The following CDK19 variants were observed in gnomAD, a reference collection of about 807,000 sequenced individuals.
CDK19 encodes the protein cyclin-dependent kinase 19.
A neutral mutation model predicts 68.3 loss-of-function variants in CDK19; 20 were observed. The ratio of observed to expected loss-of-function variants is 0.29; its 90% CI spans 0.21 to 0.43. CDK19 has a LOEUF of 0.43. Ranked by LOEUF, CDK19 falls within the 20% of genes least tolerant of loss-of-function variation. The probability of loss-of-function intolerance (pLI) is 1.00; values close to 1 mark genes in which losing one functional copy is unlikely to be tolerated. For missense variants in CDK19, 339 were observed against 623.5 expected (o/e 0.54, Z 4.86); for synonymous variants, 221 against 222.8 (o/e 0.99, Z 0.07).
At chr6:110,793,337 A>G (rs1337694084) in intron 1 of CDK19, among the ~76,000 whole-genome samples, 3 of 152,210 alleles carry the variant, frequency 2.0e-5, no homozygotes, top group African/African-American at 7.2e-5. Flanking sequence ...ACTATTATAA[A>G]TACCAAATTT....
intron 2 of CDK19, among the ~76,000 whole-genome samples, chr6:110,734,519 TG>T (rs1777046337): frequency 1.0e-4 from 2 of 19,294 alleles, no homozygotes; most frequent in Admixed American, 7.8e-4. Flanking sequence ...GGGTGAGCAC[TG>T]CTCTCTCTCT....
intron 5 of CDK19, 87 bp downstream of exon 5, chr6:110,638,562 C>CTACCTAAATAAGG: frequency 2.8e-6 from 2 of 713,166 alleles, no homozygotes; most frequent in Admixed American, 2.5e-5. Flanking sequence ...TTAAAATTAA[C>CTACCTAAATAAGG]TACCTAAATA....
intron 8 of CDK19, 63 bp from the exon 9 acceptor site, chr6:110,623,425 A>G: frequency 6.3e-7 from 1 of 1,579,386 alleles, no homozygotes; most frequent in Non-Finnish European, 8.6e-7. Flanking sequence ...TTTCTTAATG[A>G]TAAGCTCCAG....
chr6:110,743,236 T>G (rs892330358), intron 2 of CDK19, among the ~76,000 whole-genome samples: 6 of 152,202 alleles, frequency 3.9e-5, no homozygotes, highest in African/African-American at 1.4e-4. Flanking sequence ...GGTAAACTTG[T>G]GTGAAAATCC....
At position 110,614,620 on chromosome 6, in the gene CDK19, G is replaced by A; in HGVS notation, c.1424C>T (p.Ser475Phe). The change falls in exon 13 of 13, where the codon TCT becomes TTT. Residue 475 changes from serine to phenylalanine, a missense_variant. Around this residue, in one of 4 missense-constraint regions of CDK19, gnomAD observed 155 missense variants for 222.7 expected, o/e 0.70. Coordinates refer to ENST00000368911, the MANE Select transcript of CDK19 (RefSeq NM_015076.5). ...GTAGCCAAGTGTGCTCTGGGACTGA[G>A]AGGATCCCTGAACGCTGCTTTGGTA... ...LNYQSSVQGSSQSQSTLGYSS... is the reference protein window; with the variant it reads ...LNYQSSVQGSFQSQSTLGYSS... 6.2e-7 allele frequency: 1 copy of A among 1,613,954 alleles called. No individual in the cohort carries two copies. The highest frequency in any genetic ancestry group is 8.5e-7 in the Non-Finnish European group (1 of 1,179,848).
intron 2 of CDK19, among the ~76,000 whole-genome samples, chr6:110,710,422 AC>A (rs1774854403): frequency 1.3e-5 from 2 of 152,224 alleles, no homozygotes; most frequent in Non-Finnish European, 2.9e-5. Flanking sequence ...CTATGAAAGA[AC>A]CTGGGATCAT....
At position 110,767,221 on chromosome 6, in the gene CDK19, G is replaced by C. The variant is rs192203527; in HGVS notation, c.129-21020C>G. On this transcript the variant is annotated intron_variant, in intron 1 of 12. Coordinates refer to ENST00000368911, the MANE Select transcript of CDK19 (RefSeq NM_015076.5). Reference sequence around the variant, plus strand: ...AACAGTGGTTACCAGAGGTTGGGAAGGGCCAGGGGATGGGGAGAAAAGGAG... The same window carrying C: ...AACAGTGGTTACCAGAGGTTGGGAACGGCCAGGGGATGGGGAGAAAAGGAG... Among the ~76,000 whole-genome samples the C allele has an allele frequency of 4.6e-5, 7 of 152,110 alleles. No individual in the cohort carries two copies. In the East Asian group the frequency reaches 1.4e-3, roughly 29 times the overall value.
At chr6:110,728,012 C>T (rs1402658515) in intron 2 of CDK19, among the ~76,000 whole-genome samples, 1 of 151,182 alleles carries the variant, frequency 6.6e-6, no homozygotes, top group African/African-American at 2.4e-5. Flanking sequence ...TGAGAAAGGC[C>T]AGGCATGGTG....
chr6:110,678,409 A>AG (rs1006728589), intron 2 of CDK19, among the ~76,000 whole-genome samples: 1 of 152,086 alleles, frequency 6.6e-6, no homozygotes, highest in African/African-American at 2.4e-5. Context: ...CCTCTATTCC[A>AG]GTACCTCCAG....
chr6:110,706,114 G>A (rs897014274), intron 2 of CDK19, among the ~76,000 whole-genome samples: 11 of 152,022 alleles, frequency 7.2e-5, no homozygotes, highest in East Asian at 3.9e-4. Flanking sequence ...GTGCAATGGC[G>A]TGATCTCTGC....
At chr6:110,619,378 A>G (rs1411176574) in intron 12 of CDK19, among the ~76,000 whole-genome samples, 2 of 152,146 alleles carry the variant, frequency 1.3e-5, no homozygotes, top group Non-Finnish European at 2.9e-5. Flanking sequence ...GTTTTAACCA[A>G]GATGGTTTTG....
Position 110,652,644 on chromosome 6 carries a change from G to A in CDK19, c.457-13938C>T, listed in dbSNP as rs184938533. 2.0e-3 allele frequency among the ~76,000 whole-genome samples: 300 copies of A among 152,308 alleles called. 1 individual carries two copies. Among genetic ancestry groups the A allele is most frequent in the Non-Finnish European group, 2.1e-3 (146 of 68,026 alleles). On this transcript the variant is annotated intron_variant, in intron 4 of 12. Coordinates refer to ENST00000368911, the MANE Select transcript of CDK19 (RefSeq NM_015076.5). The stretch of plus-strand genomic sequence containing the variant: ...GAACATAGATTATAAGCTGCTGAAC[G>A]CAAGTAGTACAGGAAGGTGGTTTTA...
intron 2 of CDK19, among the ~76,000 whole-genome samples, chr6:110,716,926 GT>G (rs1372599662): frequency 6.6e-6 from 1 of 152,130 alleles, no homozygotes; most frequent in East Asian, 1.9e-4. Context: ...GAGGTCAGGA[GT>G]TTGAGACCAC....
intron 1 of CDK19, among the ~76,000 whole-genome samples, chr6:110,790,180 AT>A (rs1428507769): frequency 6.6e-6 from 1 of 152,222 alleles, no homozygotes; most frequent in Non-Finnish European, 1.5e-5. Context: ...CTAAACGCTT[AT>A]GTTGTATTTA....
chr6:110,763,189 C>T (rs762734848), intron 1 of CDK19, among the ~76,000 whole-genome samples: 2 of 152,092 alleles, frequency 1.3e-5, no homozygotes, highest in Non-Finnish European at 2.9e-5. Flanking sequence ...TTATGACCAT[C>T]CATTTAATCC....
At chr6:110,646,511 G>C in intron 4 of CDK19, 1 of 1,359,772 alleles carries the variant, frequency 7.4e-7, no homozygotes, top group Non-Finnish European at 9.7e-7. Context: ...GGTGCCCTGG[G>C]AAACCGACGT....
At chr6:110,629,827 T>C (rs1312131904) in intron 6 of CDK19, among the ~76,000 whole-genome samples, 4 of 152,362 alleles carry the variant, frequency 2.6e-5, no homozygotes, top group Admixed American at 6.5e-5. Flanking sequence ...GAATGGATAA[T>C]TGGGAATTGA....
rs565494877 is a variant in CDK19, at chr6:110,747,053, T to C, written c.129-852A>G. On this transcript the variant is annotated intron_variant, in intron 1 of 12. Transcript: ENST00000368911. ...TAGTTCATATTGTGAGCTGTTCTTA[T>C]AAGAGAAGTTAAATCCATGCCTTCC... 6.6e-5 allele frequency among the ~76,000 whole-genome samples: 10 copies of C among 152,330 alleles called. 1 individual carries two copies. The South Asian group carries it at 1.7e-3, about 25-fold the overall frequency.
chr6:110,814,725 T>C (rs1300862969), intron 1 of CDK19: 1 of 607,212 alleles, frequency 1.6e-6, no homozygotes, highest in Non-Finnish European at 3.1e-6. Context: ...CGGTCCCAAC[T>C]CGAGTCCCCC....
Sources: allele counts gnomAD v4.1 joint callset (sites outside exome capture counted in the v4.1 genomes callset), GRCh38; gene constraint gnomAD v4.1.1; regional missense constraint gnomAD v4.1.1; transcripts MANE v1.5; gene names NCBI Gene and HGNC (gene_info 2026-07-23, HGNC 2026-07-21).